NTNG1: variants seen among roughly 807,000 people sequenced by gnomAD.
NTNG1 encodes netrin G1.
NTNG1 carries 16 observed loss-of-function variants against 54.0 expected under a neutral mutation model. The observed-to-expected ratio is 0.30, with a 90% CI of 0.20 to 0.45. The LOEUF is 0.45. Ranked by LOEUF, NTNG1 falls within the 20% of genes least tolerant of loss-of-function variation. The pLI is 1.00. For synonymous variants in NTNG1, 255 were observed against 263.1 expected, an observed-to-expected ratio of 0.97 and a Z score of 0.30; for missense variants, 530 against 678.7, an observed-to-expected ratio of 0.78 and a Z score of 2.43.
At chr1:107,289,163 T>G (rs1341273120) in intron 2 of NTNG1, among the ~76,000 whole-genome samples, 1 of 152,180 alleles carries the variant, frequency 6.6e-6, no homozygotes, top group Non-Finnish European at 1.5e-5. Context: ...ATACGTGCTC[T>G]GAATATCCTG....
At position 107,467,850 on chromosome 1, in the gene NTNG1, G is replaced by T. The variant is rs74110920; in HGVS notation, c.1391-12761G>T. ...GCAAATATACTTTTGAAAATTAGCA[G>T]TCATTTTTACTTGGAATCAGGCATC... On this transcript the variant is annotated intron_variant, in intron 7 of 7. Coordinates refer to ENST00000370068, the MANE Select transcript of NTNG1 (RefSeq NM_001113226.3). Among the ~76,000 whole-genome samples, 838 of 152,276 alleles carry T rather than the reference G, an allele frequency of 5.5e-3. 9 individuals are homozygous for T. The highest frequency in any genetic ancestry group is 0.02 in the African/African-American group (812 of 41,562).
intron 2 of NTNG1, among the ~76,000 whole-genome samples, chr1:107,219,582 T>A (rs1374866504): frequency 6.6e-6 from 1 of 152,196 alleles, no homozygotes; most frequent in African/African-American, 2.4e-5. Flanking sequence ...GCTGTTGAGA[T>A]TCTTCTGTCT....
intron 2 of NTNG1, among the ~76,000 whole-genome samples, chr1:107,154,469 G>A (rs887705735): frequency 2.0e-5 from 3 of 151,410 alleles, no homozygotes; most frequent in East Asian, 1.9e-4. Context: ...GGTGACATGC[G>A]CCTGTAGTCC....
intron 6 of NTNG1, among the ~76,000 whole-genome samples, chr1:107,435,689 G>A (rs1004378520): frequency 6.6e-6 from 1 of 152,044 alleles, no homozygotes; most frequent in Non-Finnish European, 1.5e-5. Flanking sequence ...GTTTTATTTG[G>A]TTTTTCATGA....
At chr1:107,334,216 C>A (rs1486789163) in intron 3 of NTNG1, among the ~76,000 whole-genome samples, 1 of 151,788 alleles carries the variant, frequency 6.6e-6, no homozygotes, top group African/African-American at 2.4e-5. Context: ...TTAAATGAAT[C>A]TTGCCTTTCT....
At chr1:107,149,583 A>G (rs1444428800) in intron 2 of NTNG1, among the ~76,000 whole-genome samples, 1 of 152,182 alleles carries the variant, frequency 6.6e-6, no homozygotes, top group Non-Finnish European at 1.5e-5. Context: ...GAAGGCTTAT[A>G]TAAGTCCTTT....
intron 3 of NTNG1, 120 bp downstream of exon 3, chr1:107,325,042 C>A: frequency 9.7e-7 from 1 of 1,026,070 alleles, no homozygotes; most frequent in South Asian, 1.6e-5. Context: ...TTCAGGAACT[C>A]CACTGTAGAA....
chr1:107,262,773 T>G (rs948716108), intron 2 of NTNG1, among the ~76,000 whole-genome samples: 5 of 152,240 alleles, frequency 3.3e-5, no homozygotes, highest in African/African-American at 1.2e-4. Flanking sequence ...AACAATCTCT[T>G]CATTCACCTC....
chr1:107,174,214 T>C (rs1656468843), intron 2 of NTNG1, among the ~76,000 whole-genome samples: 1 of 152,164 alleles, frequency 6.6e-6, no homozygotes, highest in South Asian at 2.1e-4. Context: ...TTCTGTTCTT[T>C]ATAACAATCC....
At chr1:107,386,387 T>C (rs1343710484) in intron 3 of NTNG1, among the ~76,000 whole-genome samples, 1 of 151,944 alleles carries the variant, frequency 6.6e-6, no homozygotes, top group Non-Finnish European at 1.5e-5. Context: ...TTGGCCAGGC[T>C]GGTCTTGAAC....
intron 2 of NTNG1, among the ~76,000 whole-genome samples, chr1:107,183,014 G>T (rs1370005942): frequency 2.0e-5 from 3 of 152,108 alleles, no homozygotes; most frequent in African/African-American, 7.2e-5. Flanking sequence ...GATTTGTTTT[G>T]AGTAGAGGTT....
At chr1:107,181,381 G>A (rs1409871039) in intron 2 of NTNG1, among the ~76,000 whole-genome samples, 1 of 152,110 alleles carries the variant, frequency 6.6e-6, no homozygotes, top group Non-Finnish European at 1.5e-5. Flanking sequence ...GTTTTCAATT[G>A]TTATTAGAGG....
intron 2 of NTNG1, among the ~76,000 whole-genome samples, chr1:107,171,629 G>A (rs1362039673): frequency 6.6e-6 from 1 of 152,108 alleles, no homozygotes. Flanking sequence ...CCTCCATGGG[G>A]CTCTGTACTG....
intron 3 of NTNG1, among the ~76,000 whole-genome samples, chr1:107,341,885 A>C (rs564055071): frequency 1.2e-4 from 18 of 152,214 alleles, no homozygotes; most frequent in African/African-American, 4.3e-4. Flanking sequence ...TTAAGAGGTC[A>C]CCAACTTAAG....
At chr1:107,458,227 G>A (rs1479122661) in intron 7 of NTNG1, among the ~76,000 whole-genome samples, 1 of 152,068 alleles carries the variant, frequency 6.6e-6, no homozygotes, top group African/African-American at 2.4e-5. Context: ...CTACTCCAGT[G>A]GCAATCTTCT....
intron 2 of NTNG1, among the ~76,000 whole-genome samples, chr1:107,267,172 A>C (rs1663801820): frequency 6.6e-6 from 1 of 152,224 alleles, no homozygotes; most frequent in African/African-American, 2.4e-5. Flanking sequence ...ATTTGTAAAA[A>C]GGGATGGCAA....
chr1:107,456,777 G>A (rs1055310941), intron 7 of NTNG1, among the ~76,000 whole-genome samples: 3 of 152,192 alleles, frequency 2.0e-5, no homozygotes, highest in Non-Finnish European at 2.9e-5. Flanking sequence ...CTTATGTAAC[G>A]TGATGCAAGA....
At chr1:107,268,944 T>C (rs1241396125) in intron 2 of NTNG1, among the ~76,000 whole-genome samples, 2 of 152,174 alleles carry the variant, frequency 1.3e-5, no homozygotes, top group Non-Finnish European at 2.9e-5. Context: ...TCATCTCCCA[T>C]GTGGATAACT....
intron 3 of NTNG1, among the ~76,000 whole-genome samples, chr1:107,353,788 C>A (rs1196289864): frequency 6.6e-6 from 1 of 152,200 alleles, no homozygotes; most frequent in Non-Finnish European, 1.5e-5. Context: ...CTTATGTTTC[C>A]ACAGGCTGTA....
Sources: allele counts gnomAD v4.1 joint callset (sites outside exome capture counted in the v4.1 genomes callset), GRCh38; gene constraint gnomAD v4.1.1; transcripts MANE v1.5; gene names NCBI Gene and HGNC (gene_info 2026-07-23, HGNC 2026-07-21).